The following ZSWIM4 variants were observed in gnomAD, a reference collection of about 807,000 sequenced individuals.
ZSWIM4 encodes zinc finger SWIM-type containing 4, also known as zinc finger SWIM domain-containing protein 4.
In ZSWIM4, 62 loss-of-function variants were observed where a neutral mutation model predicts 102.5. That is an observed-to-expected ratio of 0.60 (90% CI 0.49 to 0.75). The LOEUF (loss-of-function observed/expected upper bound fraction) is 0.75. Among genes scored for constraint, ZSWIM4 ranks in the 30% least tolerant of loss-of-function variants. The pLI, the probability that ZSWIM4 is intolerant of heterozygous loss-of-function variation, is 0.00. For missense variants in ZSWIM4, 1,280 were observed against 1,529.6 expected, an observed-to-expected ratio of 0.84 and a Z score of 2.72; for synonymous variants, 652 against 674.5, an observed-to-expected ratio of 0.97 and a Z score of 0.52.
chr19:13,826,287 GTTAAGGA>G (rs1446022697), intron 12 of ZSWIM4, among the ~76,000 whole-genome samples: 3 of 151,852 alleles, frequency 2.0e-5, no homozygotes, highest in African/African-American at 7.3e-5. Flanking sequence ...TGTGCTATTG[GTTAAGGA>G]TCATGGGTGG....
intron 7 of ZSWIM4, among the ~76,000 whole-genome samples, chr19:13,815,616 C>T (rs1043922520): frequency 6.6e-6 from 1 of 151,358 alleles, no homozygotes; most frequent in African/African-American, 2.4e-5. Flanking sequence ...GGACTACAGG[C>T]ACCCACCACC....
intron 10 of ZSWIM4, among the ~76,000 whole-genome samples, chr19:13,821,601 C>A (rs1975464534): frequency 6.6e-6 from 1 of 152,140 alleles, no homozygotes; most frequent in South Asian, 2.1e-4. Flanking sequence ...GCTGGATATG[C>A]AATGGCAGGA....
rs1271070466 is a variant in ZSWIM4 at position 13,817,712 on chromosome 19, T to C, written c.1670-10T>C. On this transcript the variant is annotated splice_polypyrimidine_tract_variant and intron_variant, in intron 8 of 13. Coordinates refer to ENST00000590508, the MANE Select transcript of ZSWIM4 (RefSeq NM_001367834.3). ...TCCGTCTCCAGCAGCCCTGGCCCTGTCTCCCCCAGACTCAGGCCCCGAGAA... is the reference window on the plus strand; with the variant it reads ...TCCGTCTCCAGCAGCCCTGGCCCTGCCTCCCCCAGACTCAGGCCCCGAGAA... 1.2e-6 allele frequency: 2 copies of C among 1,607,490 alleles called. No individual in the cohort carries two copies. Among genetic ancestry groups the C allele is most frequent in the Admixed American group, 1.7e-5 (1 of 58,776 alleles).
rs758967206 is a variant in ZSWIM4 at position 13,831,027 on chromosome 19, T to C, written c.3298T>C (p.Leu1100=). ...TYKGKKKLML[L]VRERFG is the part of the protein sequence containing the mutation. Reference sequence around the variant, plus strand: ...CAAGGGCAAGAAGAAACTCATGCTTTTGGTGCGGGAGCGTTTTGGTTGAGG... The same window carrying C: ...CAAGGGCAAGAAGAAACTCATGCTTCTGGTGCGGGAGCGTTTTGGTTGAGG... The change falls in exon 14 of 14, where the codon TTG becomes CTG. Residue 1100 remains leucine (L), a synonymous_variant. Transcript: ENST00000590508. The C allele has an allele frequency of 7.5e-6, 12 of 1,600,268 alleles. No individual in the cohort carries two copies. In the African/African-American group the frequency reaches 1.5e-4, roughly 20 times the overall value.
chr19:13,828,340 G>A (rs143490663), intron 12 of ZSWIM4, among the ~76,000 whole-genome samples: 6,167 of 152,046 alleles, frequency 0.041, 415 homozygotes, highest in African/African-American at 0.14. Flanking sequence ...CTCGGGAGGC[G>A]GAGGTTGTAG....
intron 10 of ZSWIM4, among the ~76,000 whole-genome samples, chr19:13,820,909 CAAAA>C (rs34029534): frequency 2.0e-5 from 2 of 102,556 alleles, no homozygotes. Context: ...ACGCAATTTC[CAAAA>C]AAAAAAAAAA....
At chr19:13,811,020 TCTC>T (rs1224348199) in intron 5 of ZSWIM4, among the ~76,000 whole-genome samples, 2 of 149,586 alleles carry the variant, frequency 1.3e-5, no homozygotes, top group Admixed American at 6.7e-5. Flanking sequence ...TTCACGCTGT[TCTC>T]CTGCCTCAGC....
intron 5 of ZSWIM4, among the ~76,000 whole-genome samples, chr19:13,811,751 T>G (rs932555461): frequency 1.3e-5 from 2 of 151,736 alleles, no homozygotes; most frequent in African/African-American, 4.8e-5. Flanking sequence ...TGCAAAATAT[T>G]CTTTTGGTTG....
chr19:13,817,418 C>G, intron 8 of ZSWIM4, 65 bp downstream of exon 8: 1 of 1,565,456 alleles, frequency 6.4e-7, no homozygotes, highest in Non-Finnish European at 8.7e-7. Flanking sequence ...CGCCCCCTGG[C>G]CCAGTACCCC....
chr19:13,819,854 T>G (rs943513822), intron 10 of ZSWIM4, among the ~76,000 whole-genome samples: 51 of 149,784 alleles, frequency 3.4e-4, no homozygotes, highest in Non-Finnish European at 6.2e-4. Flanking sequence ...TTTGTTTTTT[T>G]TTTTTTTGAG....
rs1290012087 is a variant in ZSWIM4, at chr19:13,817,837, G to T, written c.1785G>T (p.Gln595His). 3 of 1,567,744 alleles carry T rather than the reference G, an allele frequency of 1.9e-6. No homozygotes were observed. The East Asian group carries it at 7.0e-5, about 36-fold the overall frequency. Reference sequence around the variant, plus strand: ...TGGCACTGCTGGGGCTGGGGCAGCAGCGGGCCCTGCCGGAGGGGCTGTACG... The same window carrying T: ...TGGCACTGCTGGGGCTGGGGCAGCATCGGGCCCTGCCGGAGGGGCTGTACG... ...LEVALLGLGQ[Q>H]RALPEGLYAQ... Residue 595 changes from glutamine to histidine, a missense_variant, in exon 9 of 14, where the codon CAG (glutamine) becomes CAT (histidine). Transcript: ENST00000590508.
intron 2 of ZSWIM4, among the ~76,000 whole-genome samples, chr19:13,803,863 G>A (rs34261281): frequency 0.46 from 65,545 of 142,876 alleles, 17,849 homozygotes; most frequent in African/African-American, 0.78. Context: ...TACCAACAGC[G>A]TTCTAAGCCT....
In ZSWIM4 at chr19:13,828,733, G is replaced by A. The variant is rs2145382814; in HGVS notation, c.2461+7G>A. 2 of 1,613,776 alleles carry A rather than the reference G, an allele frequency of 1.2e-6. No homozygotes were observed. Among genetic ancestry groups the A allele is most frequent in the East Asian group, 2.2e-5 (1 of 44,880 alleles). ...AGCTGTGCCACAGAGATTGGTGAGA[G>A]CCCCTAAGGGGACCTGCCACCCACT... is the stretch of plus-strand genomic sequence containing the variant. On this transcript the variant is annotated splice_region_variant and intron_variant, in intron 13 of 13. Coordinates refer to ENST00000590508, the MANE Select transcript of ZSWIM4 (RefSeq NM_001367834.3).
At chr19:13,799,952 A>C (rs1280489976) in intron 2 of ZSWIM4, 31 bp downstream of exon 2, 1 of 1,587,528 alleles carries the variant, frequency 6.3e-7, no homozygotes, top group Non-Finnish European at 8.5e-7. Context: ...CCTGCTGGGG[A>C]GGCCAGGAGG....
chr19:13,802,305 G>T (rs1337579149), intron 2 of ZSWIM4, among the ~76,000 whole-genome samples: 1 of 148,652 alleles, frequency 6.7e-6, no homozygotes. Context: ...ATAGAGTCTC[G>T]GCCGGGCACA....
chr19:13,810,776 A>AT (rs371057850), intron 5 of ZSWIM4, among the ~76,000 whole-genome samples: 4 of 140,100 alleles, frequency 2.9e-5, no homozygotes, highest in African/African-American at 1.1e-4. Context: ...CGCCCGGCTA[A>AT]TTTTTTTGTA....
Position 13,809,179 on chromosome 19 carries a change from C to T in ZSWIM4, c.971C>T (p.Ala324Val). ...TRLALWRQQG[A>V]GMTDKCRQLW... ...CTGGCCCTGTGGCGGCAGCAGGGCG[C>T]GGGCATGACGGACAAGTGCCGGCAG... The change falls in exon 5 of 14, where the codon GCG becomes GTG. Residue 324 changes from alanine (A) to valine (V), a missense_variant. Coordinates refer to ENST00000590508, the MANE Select transcript of ZSWIM4 (RefSeq NM_001367834.3). This position sits in a 1 kb window ranked among gnomAD's most constrained non-coding sequence, Gnocchi z 4.2. The T allele has an allele frequency of 1.2e-6, 2 of 1,612,054 alleles. No individual in the cohort carries two copies. Among genetic ancestry groups the T allele is most frequent in the Non-Finnish European group, 8.5e-7 (1 of 1,179,112 alleles).
At chr19:13,822,951 C>G (rs1975506948) in intron 10 of ZSWIM4, among the ~76,000 whole-genome samples, 1 of 150,956 alleles carries the variant, frequency 6.6e-6, no homozygotes, top group Non-Finnish European at 1.5e-5. Context: ...TGCACGCCAG[C>G]CTGGGCAAAA....
intron 2 of ZSWIM4, among the ~76,000 whole-genome samples, chr19:13,802,278 A>ATTTT (rs201793669): frequency 1.4e-5 from 2 of 145,026 alleles, no homozygotes; most frequent in African/African-American, 2.5e-5. Context: ...GCCTGGCCAA[A>ATTTT]TTTTTTTTTT....
Sources: allele counts gnomAD v4.1 joint callset (sites outside exome capture counted in the v4.1 genomes callset), GRCh38; gene constraint gnomAD v4.1.1; non-coding constraint Gnocchi (gnomAD v3.1); transcripts MANE v1.5; gene names NCBI Gene and HGNC (gene_info 2026-07-23, HGNC 2026-07-21).